Variants in KMO observed in about 807,000 individuals in gnomAD.
KMO encodes the protein kynurenine 3-hydroxylase.
Under a neutral mutation model 57.8 loss-of-function variants are expected in KMO, and 24 were observed. The observed-to-expected ratio is 0.42, with a 90% CI of 0.30 to 0.58. KMO has a LOEUF of 0.58. Ranked by LOEUF, KMO falls within the 20% of genes least tolerant of loss-of-function variation. The pLI is 0.22. For missense variants in KMO, 483 were observed against 588.2 expected (o/e 0.82, Z 1.85); for synonymous variants, 210 against 193.6 (o/e 1.08, Z -0.70).
intron 9 of KMO, 142 bp downstream of exon 9, chr1:241,566,754 C>A (rs2275163): frequency 1.2e-6 from 1 of 845,832 alleles, no homozygotes; most frequent in Non-Finnish European, 1.9e-6. Flanking sequence ...GAGCAAAAGT[C>A]TAAGTGGATA....
chr1:241,566,573 T>C lies in KMO; in HGVS notation c.770T>C (p.Phe257Ser). 6.2e-7 allele frequency: 1 copy of C among 1,613,792 alleles called. No individual in the cohort carries two copies. The highest frequency in any genetic ancestry group is 8.5e-7 in the Non-Finnish European group (1 of 1,179,724). Residue 257 changes from phenylalanine to serine, a missense_variant, in exon 9 of 15, where the codon TTC (phenylalanine) becomes TCC (serine). Phe to Ser is a radical substitution (Grantham distance 155). Around this residue, in one of 3 missense-constraint regions of KMO, gnomAD observed 410 missense variants for 492.3 expected, o/e 0.83. Transcript: ENST00000366559. The stretch of plus-strand genomic sequence containing the variant: ...ACCAGTAATGATGTGGTAGATTTCT[T>C]CCAGAAATACTTTCCGGATGCCATC... ...LLTSNDVVDF[F>S]QKYFPDAIPL...
chr1:241,562,077 A>G (rs959388567), intron 6 of KMO, 90 bp from the exon 7 acceptor site: 20 of 1,043,786 alleles, frequency 1.9e-5, no homozygotes, highest in African/African-American at 1.6e-4. Context: ...TAAGTTATCT[A>G]TGGAGCCACT....
intron 1 of KMO, chr1:241,536,640 T>C (rs970392740): frequency 1.6e-5 from 4 of 247,228 alleles, no homozygotes; most frequent in African/African-American, 2.3e-5. Context: ...CTAGCATGTA[T>C]TTTGGAGATG....
At chr1:241,574,529 A>G (rs1156464284) in intron 10 of KMO, among the ~76,000 whole-genome samples, 2 of 46,674 alleles carry the variant, frequency 4.3e-5, no homozygotes, top group African/African-American at 9.2e-5. Flanking sequence ...AGATGATCAT[A>G]TGGTTTTTTT....
At chr1:241,535,649 A>G (rs1558408322) in intron 1 of KMO, among the ~76,000 whole-genome samples, 2 of 152,238 alleles carry the variant, frequency 1.3e-5, no homozygotes, top group Non-Finnish European at 2.9e-5. Context: ...TAAAGTTTAA[A>G]TATTGAAAAA....
chr1:241,533,049 C>G (rs1403708976), intron 1 of KMO, among the ~76,000 whole-genome samples: 2 of 152,214 alleles, frequency 1.3e-5, no homozygotes, highest in African/African-American at 4.8e-5. Context: ...GCACCTAAGA[C>G]AGTGGAGTGA....
intron 1 of KMO, among the ~76,000 whole-genome samples, chr1:241,543,805 A>T (rs1318821001): frequency 1.3e-5 from 2 of 152,164 alleles, no homozygotes; most frequent in African/African-American, 4.8e-5. Flanking sequence ...GAGATCCCTT[A>T]TTCTCCCATA....
In KMO at chr1:241,555,911, C is replaced by T. The variant is rs531528657; in HGVS notation, c.361+251C>T. On this transcript the variant is annotated intron_variant, in intron 5 of 14. Coordinates refer to ENST00000366559, the MANE Select transcript of KMO (RefSeq NM_003679.5). The stretch of plus-strand genomic sequence containing the variant: ...GACCCGCCTGGGCAACATGGAGAGA[C>T]GCTATCACTACAAAGAATAAAAAAT... 48 of 322,984 alleles carry T rather than the reference C, an allele frequency of 1.5e-4. 1 individual carries two copies. The highest frequency in any genetic ancestry group is 7.0e-4 in the African/African-American group (33 of 47,214). 20.0% of individuals were successfully genotyped at this position (322,984 alleles called of 1,614,324 possible).
chr1:241,584,920 C>T (rs965721971), intron 10 of KMO, among the ~76,000 whole-genome samples: 2 of 152,072 alleles, frequency 1.3e-5, no homozygotes, highest in South Asian at 2.1e-4. Flanking sequence ...TCTTTACTTT[C>T]TTATCCATAA....
chr1:241,570,788 A>C (rs960907006), intron 10 of KMO, among the ~76,000 whole-genome samples: 2 of 152,124 alleles, frequency 1.3e-5, no homozygotes, highest in Non-Finnish European at 2.9e-5. Flanking sequence ...TTTCATATAC[A>C]TTTTAGGATT....
At chr1:241,572,510 A>T (rs1217511333) in intron 10 of KMO, among the ~76,000 whole-genome samples, 4 of 151,832 alleles carry the variant, frequency 2.6e-5, no homozygotes, top group Non-Finnish European at 5.9e-5. Flanking sequence ...TTTATTTTTT[A>T]AAAAACCAAC....
intron 12 of KMO, 85 bp downstream of exon 12, chr1:241,588,915 C>A: frequency 1.1e-6 from 1 of 946,612 alleles, no homozygotes; most frequent in East Asian, 2.5e-5. Flanking sequence ...TGCTTCAGCC[C>A]CCATCTCATG....
Position 241,594,467 on chromosome 1 carries a change from A to G in KMO, c.*2314A>G. 6.2e-7 allele frequency: 1 copy of G among 1,614,096 alleles called. No individual in the cohort carries two copies. The highest frequency in any genetic ancestry group is 1.7e-5 in the Admixed American group (1 of 60,006). ...CTTGGATTACATCAACTTTGGACCC[A>G]TTGGTTTTGTCGCTGTCGTCAACTG... On this transcript the variant is annotated 3_prime_UTR_variant, in exon 15 of 15. Coordinates refer to ENST00000366559, the MANE Select transcript of KMO (RefSeq NM_003679.5).
chr1:241,561,737 C>T (rs990872067), intron 6 of KMO, among the ~76,000 whole-genome samples: 3 of 152,160 alleles, frequency 2.0e-5, no homozygotes, highest in Non-Finnish European at 4.4e-5. Context: ...CTCTTCTTTT[C>T]CCCTTCCTTT....
At chr1:241,550,073 A>T in intron 3 of KMO, 1 of 256,350 alleles carries the variant, frequency 3.9e-6, no homozygotes. Flanking sequence ...AAAAGGAGCC[A>T]GATTCCTTTT....
At position 241,568,663 on chromosome 1, in the gene KMO, C is replaced by G. The variant is rs541553257; in HGVS notation, c.957+16C>G. The G allele has an allele frequency of 1.1e-5, 17 of 1,610,944 alleles. No individual in the cohort carries two copies. In the South Asian group the frequency reaches 1.9e-4, roughly 18 times the overall value. ...AATGAATGCGGTAAGTTCTTTTTCC[C>G]TAGGTAAGTCCCTCAAATACTTCTG... On this transcript the variant is annotated intron_variant, in intron 10 of 14. Transcript: ENST00000366559.
At chr1:241,561,896 A>T (rs145236088) in intron 6 of KMO, among the ~76,000 whole-genome samples, 4 of 152,180 alleles carry the variant, frequency 2.6e-5, no homozygotes, top group African/African-American at 9.7e-5. Context: ...CTCCTCCTTC[A>T]TGCAGAAATC....
At chr1:241,590,404 G>C (rs1663215392) in intron 14 of KMO, 141 bp downstream of exon 14, 2 of 676,282 alleles carry the variant, frequency 3.0e-6, no homozygotes, top group Non-Finnish European at 5.1e-6. Context: ...ACTGTCCTGA[G>C]TACAGAGAGG....
intron 1 of KMO, among the ~76,000 whole-genome samples, chr1:241,547,159 G>C (rs187725006): frequency 6.6e-6 from 1 of 152,068 alleles, no homozygotes; most frequent in Non-Finnish European, 1.5e-5. Context: ...AAAAAGACAA[G>C]AGATCAGAAA....
Sources: allele counts gnomAD v4.1 joint callset (sites outside exome capture counted in the v4.1 genomes callset), GRCh38; gene constraint gnomAD v4.1.1; regional missense constraint gnomAD v4.1.1; transcripts MANE v1.5; gene names NCBI Gene and HGNC (gene_info 2026-07-23, HGNC 2026-07-21).